The following SDK2 variants were observed in gnomAD, a reference collection of about 807,000 sequenced individuals.
SDK2 encodes protein sidekick-2.
A neutral mutation model predicts 253.9 loss-of-function variants in SDK2; 105 were observed. That is an observed-to-expected ratio of 0.41 (90% CI 0.35 to 0.49). The LOEUF (loss-of-function observed/expected upper bound fraction) is 0.49. Ranked by LOEUF, SDK2 falls within the 20% of genes least tolerant of loss-of-function variation. The probability of loss-of-function intolerance (pLI) is 0.06; values close to 1 mark genes in which losing one functional copy is unlikely to be tolerated. For missense variants in SDK2, 2,608 were observed against 3,003.0 expected (o/e 0.87, Z 3.07); for synonymous variants, 1,249 against 1,234.9 (o/e 1.01, Z -0.24).
rs55713710 is a variant in SDK2, at chr17:73,416,199, A to ATTTTT, written c.2187-212_2187-208dup. 2.4e-3 allele frequency among the ~76,000 whole-genome samples: 286 copies of ATTTTT among 120,300 alleles called. 10 individuals are homozygous for ATTTTT. Among genetic ancestry groups the ATTTTT allele is most frequent in the African/African-American group, 8.3e-3 (262 of 31,690 alleles). 78.9% of individuals were successfully genotyped at this position (120,300 alleles called of 152,430 possible). On this transcript the variant is annotated intron_variant, in intron 16 of 44. Coordinates refer to ENST00000392650, the MANE Select transcript of SDK2 (RefSeq NM_001144952.2). ...TAGTGCAACCGAAGAAATGAATTCA[A>ATTTTT]TTTTTTTTTTTTTTTGAGACGGAGT... is the stretch of plus-strand genomic sequence containing the variant.
chr17:73,360,352 A>T (rs1186887180), intron 39 of SDK2, among the ~76,000 whole-genome samples: 2 of 152,188 alleles, frequency 1.3e-5, no homozygotes, highest in Non-Finnish European at 2.9e-5. Context: ...AGACTAAGCC[A>T]TTAGGGGAAG....
intron 12 of SDK2, among the ~76,000 whole-genome samples, chr17:73,428,325 A>G (rs2063300078): frequency 6.6e-6 from 1 of 152,016 alleles, no homozygotes; most frequent in African/African-American, 2.4e-5. Flanking sequence ...CGGCCTCTCA[A>G]AGTGCTGGGA....
At chr17:73,396,656 A>C (rs888988258) in intron 24 of SDK2, among the ~76,000 whole-genome samples, 4 of 152,236 alleles carry the variant, frequency 2.6e-5, no homozygotes, top group African/African-American at 9.6e-5. Context: ...CGCACCATTA[A>C]GCGTGGGCCT....
rs118176764 is a variant in SDK2, at chr17:73,412,482, T to C, written c.2484+2162A>G. Among the ~76,000 whole-genome samples the C allele has an allele frequency of 5.9e-3, 894 of 152,108 alleles. 6 individuals are homozygous for C. Among genetic ancestry groups the C allele is most frequent in the Non-Finnish European group, 8.5e-3 (580 of 67,996 alleles). On this transcript the variant is annotated intron_variant, in intron 18 of 44. Coordinates refer to ENST00000392650, the MANE Select transcript of SDK2 (RefSeq NM_001144952.2). ...ATTATCTGTTATGGGCTGAGTTGTG[T>C]CTGCAAAATCTGTATGTTTAAATTC...
chr17:73,377,334 T>C (rs1005460809), intron 36 of SDK2, among the ~76,000 whole-genome samples: 1 of 151,398 alleles, frequency 6.6e-6, no homozygotes, highest in African/African-American at 2.4e-5. Context: ...TTCTCCTGCC[T>C]CAGCCTCCCA....
chr17:73,632,639 T>G (rs189204371), intron 1 of SDK2, among the ~76,000 whole-genome samples: 1 of 152,324 alleles, frequency 6.6e-6, no homozygotes, highest in Admixed American at 6.5e-5. Context: ...AAACTCCCCT[T>G]CATATACACA....
In SDK2 at chr17:73,570,051, C is replaced by T. The variant is rs2045362650; in HGVS notation, c.65-62454G>A. On this transcript the variant is annotated intron_variant, in intron 1 of 44. Coordinates refer to ENST00000392650, the MANE Select transcript of SDK2 (RefSeq NM_001144952.2). The surrounding 1 kb of genome is among the most constrained non-coding windows in gnomAD (Gnocchi z 4.2). Reference sequence around the variant, plus strand: ...ACCTCAGCGCTCTAACTCTTTCAGGCTTCGGCTGGGGAAGGAAGAGAGTCA... The same window carrying T: ...ACCTCAGCGCTCTAACTCTTTCAGGTTTCGGCTGGGGAAGGAAGAGAGTCA... Among the ~76,000 whole-genome samples, 1 of 152,124 alleles carries T rather than the reference C, an allele frequency of 6.6e-6. No individual in the cohort carries two copies. Among genetic ancestry groups the T allele is most frequent in the African/African-American group, 2.4e-5 (1 of 41,424 alleles).
At chr17:73,598,873 T>C (rs146482101) in intron 1 of SDK2, among the ~76,000 whole-genome samples, 2 of 152,344 alleles carry the variant, frequency 1.3e-5, no homozygotes, top group East Asian at 3.9e-4. Flanking sequence ...CTGCTTTCCG[T>C]TTCCATTTAC....
intron 1 of SDK2, among the ~76,000 whole-genome samples, chr17:73,610,647 A>T (rs2045961804): frequency 6.6e-6 from 1 of 152,096 alleles, no homozygotes. Context: ...TATGTGTGCA[A>T]CTGGTGTTTC....
intron 1 of SDK2, among the ~76,000 whole-genome samples, chr17:73,588,730 C>T (rs1037434601): frequency 2.0e-5 from 3 of 152,198 alleles, no homozygotes; most frequent in South Asian, 4.1e-4. Context: ...ACAATCTGGC[C>T]CAAAGTGTCA....
chr17:73,393,619 G>C lies in SDK2; in HGVS notation c.3839C>G (p.Thr1280Arg). The change falls in exon 27 of 45, where the codon ACA (threonine) becomes AGA (arginine). Residue 1280 changes from threonine to arginine, a missense_variant. Around this residue, in one of 2 missense-constraint regions of SDK2, gnomAD observed 1,505 missense variants for 1,859.1 expected, o/e 0.81. Coordinates refer to ENST00000392650, the MANE Select transcript of SDK2 (RefSeq NM_001144952.2). ...GCTGGGGCTGCCGTCCCCGATGCGT[G>C]TGAAGGCCAGCACCTGGACTTCATA... Reference protein sequence around the residue: ...VLYEVQVLAFTRIGDGSPSHP... With the variant: ...VLYEVQVLAFRRIGDGSPSHP... 1 of 1,592,560 alleles carries C rather than the reference G, an allele frequency of 6.3e-7. No individual in the cohort carries two copies. The highest frequency in any genetic ancestry group is 8.6e-7 in the Non-Finnish European group (1 of 1,164,486).
chr17:73,453,370 G>GTTTTTT (rs34814268), intron 4 of SDK2, among the ~76,000 whole-genome samples: 9 of 141,222 alleles, frequency 6.4e-5, no homozygotes, highest in Non-Finnish European at 6.1e-5. Context: ...CTGAGCTGGG[G>GTTTTTT]TTTTTTTTTT....
Position 73,616,811 on chromosome 17 carries a change from C to T in SDK2, c.64+27214G>A, listed in dbSNP as rs772475029. Among the ~76,000 whole-genome samples, 1 of 152,088 alleles carries T rather than the reference C, an allele frequency of 6.6e-6. No individual in the cohort carries two copies. The highest frequency in any genetic ancestry group is 2.4e-5 in the African/African-American group (1 of 41,408). Reference sequence around the variant, plus strand: ...CTGTGCGCATTCCCACCATGAGATGCCTGGGGAAGGGGTCAGATTCCAGGG... The same window carrying T: ...CTGTGCGCATTCCCACCATGAGATGTCTGGGGAAGGGGTCAGATTCCAGGG... On this transcript the variant is annotated intron_variant, in intron 1 of 44. Transcript: ENST00000392650. This position sits in a 1 kb window ranked among gnomAD's most constrained non-coding sequence, Gnocchi z 5.2.
chr17:73,432,145 G>A (rs1274236254), intron 10 of SDK2, among the ~76,000 whole-genome samples: 1 of 152,012 alleles, frequency 6.6e-6, no homozygotes, highest in East Asian at 1.9e-4. Flanking sequence ...GCCTGGAGTG[G>A]GGGTGGGGTA....
Position 73,483,567 on chromosome 17 carries a change from ATATATG to A in SDK2, c.225-11355_225-11350del, listed in dbSNP as rs1377644186. Among the ~76,000 whole-genome samples the A allele has an allele frequency of 7.9e-4, 113 of 142,210 alleles. 1 individual carries two copies. Among genetic ancestry groups the A allele is most frequent in the African/African-American group, 2.7e-3 (106 of 38,596 alleles). The allele number at this position is 142,210 out of a possible 152,430, so 93.3% of individuals were successfully genotyped here. A position where few individuals can be genotyped will look rare whatever the true frequency, so the allele number is the denominator to read the frequency against. The stretch of plus-strand genomic sequence containing the variant: ...TATGTATGTATATGTGTATATGTAT[ATATATG>A]TATGTGTATATATATGTATATATAT... On this transcript the variant is annotated intron_variant, in intron 2 of 44. Coordinates refer to ENST00000392650, the MANE Select transcript of SDK2 (RefSeq NM_001144952.2).
Position 73,472,233 on chromosome 17 carries a change from A to C in SDK2, c.225-15T>G, listed in dbSNP as rs967102014. 6.5e-7 allele frequency: 1 copy of C among 1,544,704 alleles called. No individual in the cohort carries two copies. Among genetic ancestry groups the C allele is most frequent in the Non-Finnish European group, 8.8e-7 (1 of 1,140,742 alleles). On this transcript the variant is annotated splice_polypyrimidine_tract_variant and intron_variant, in intron 2 of 44. Coordinates refer to ENST00000392650, the MANE Select transcript of SDK2 (RefSeq NM_001144952.2). ...TGATCATGTATCTATGGGACAGACG[A>C]GACAGCCAGTGAGCAAGTCAGGCAG... is the stretch of plus-strand genomic sequence containing the variant.
chr17:73,562,568 G>A (rs1454495251), intron 1 of SDK2, among the ~76,000 whole-genome samples: 2 of 152,216 alleles, frequency 1.3e-5, no homozygotes, highest in South Asian at 2.1e-4. Context: ...CAGGAGAGGC[G>A]GGGAGAAGAA....
rs145684010 is a variant in SDK2, at chr17:73,510,584, C to T, written c.65-2987G>A. Among the ~76,000 whole-genome samples, 4 of 152,238 alleles carry T rather than the reference C, an allele frequency of 2.6e-5. No homozygotes were observed. In the East Asian group the frequency reaches 5.8e-4, roughly 22 times the overall value. On this transcript the variant is annotated intron_variant, in intron 1 of 44. Transcript: ENST00000392650. ...GCATAATGTTGGCTCACCGCAGCCT[C>T]GACCTCTGGGGCGCAGGTGATCCCT...
rs901228540 is a variant in SDK2, at chr17:73,347,986, C to G, written c.6165+613G>C. ...CAGCCTCGGACAGAGCCTAGTATCA[C>G]CCCTGCCTGTTCCACAGATGGGGAA... On this transcript the variant is annotated intron_variant, in intron 44 of 44. Coordinates refer to ENST00000392650, the MANE Select transcript of SDK2 (RefSeq NM_001144952.2). Among the ~76,000 whole-genome samples, 38 of 152,198 alleles carry G rather than the reference C, an allele frequency of 2.5e-4. 1 individual carries two copies. The highest frequency in any genetic ancestry group is 5.9e-4 in the Admixed American group (9 of 15,284).
Sources: allele counts gnomAD v4.1 joint callset (sites outside exome capture counted in the v4.1 genomes callset), GRCh38; gene constraint gnomAD v4.1.1; regional missense constraint gnomAD v4.1.1; non-coding constraint Gnocchi (gnomAD v3.1); transcripts MANE v1.5; gene names NCBI Gene and HGNC (gene_info 2026-07-23, HGNC 2026-07-21).